Variants in NEDD9 observed in about 807,000 individuals in gnomAD.
The protein encoded by NEDD9 is neural precursor cell expressed, developmentally down-regulated 9, also known as enhancer of filamentation 1.
NEDD9 carries 26 observed loss-of-function variants against 76.6 expected under a neutral mutation model. The ratio of observed to expected loss-of-function variants is 0.34; its 90% CI spans 0.25 to 0.47. NEDD9 has a LOEUF of 0.47. Ranked by LOEUF, NEDD9 falls within the 20% of genes least tolerant of loss-of-function variation. The pLI, the probability that NEDD9 is intolerant of heterozygous loss-of-function variation, is 1.00. For missense variants in NEDD9, 937 were observed against 1,058.5 expected (o/e 0.89, Z 1.59); for synonymous variants, 392 against 414.2 (o/e 0.95, Z 0.65).
intron 1 of NEDD9, among the ~76,000 whole-genome samples, chr6:11,227,232 A>G (rs1759333548): frequency 6.6e-6 from 1 of 152,192 alleles, no homozygotes; most frequent in Non-Finnish European, 1.5e-5. Flanking sequence ...ATCTCAACCT[A>G]GTAACTGGGA....
At chr6:11,326,928 C>A (rs1192676423) in intron 2 of NEDD9, among the ~76,000 whole-genome samples, 2 of 152,100 alleles carry the variant, frequency 1.3e-5, no homozygotes, top group Non-Finnish European at 2.9e-5. Context: ...ATTTTGAGAA[C>A]CAGGAAAAAG....
At chr6:11,348,781 G>T (rs1292616412) in intron 1 of NEDD9, among the ~76,000 whole-genome samples, 1 of 152,194 alleles carries the variant, frequency 6.6e-6, no homozygotes, top group Non-Finnish European at 1.5e-5. Context: ...ACTCAAGATG[G>T]ACTGAAGAGT....
At chr6:11,278,050 G>A (rs1251123861) in intron 3 of NEDD9, among the ~76,000 whole-genome samples, 1 of 152,168 alleles carries the variant, frequency 6.6e-6, no homozygotes, top group Admixed American at 6.5e-5. Flanking sequence ...GAGAATGGGA[G>A]TCGGGTGCTT....
chr6:11,321,938 A>G (rs1189892699), intron 2 of NEDD9, among the ~76,000 whole-genome samples: 1 of 152,238 alleles, frequency 6.6e-6, no homozygotes, highest in African/African-American at 2.4e-5. Flanking sequence ...GATGCCCATC[A>G]ACGAGAGACT....
intron 1 of NEDD9, among the ~76,000 whole-genome samples, chr6:11,217,057 A>T (rs879392934): frequency 6.6e-6 from 1 of 152,240 alleles, no homozygotes; most frequent in Non-Finnish European, 1.5e-5. Flanking sequence ...AATTATGGAT[A>T]AATGTCATCA....
At chr6:11,224,640 A>T (rs895215602) in intron 1 of NEDD9, among the ~76,000 whole-genome samples, 4 of 152,050 alleles carry the variant, frequency 2.6e-5, no homozygotes, top group Non-Finnish European at 4.4e-5. Flanking sequence ...AAAAAATCTC[A>T]TCGACAGATG....
rs1317486471 is a variant in NEDD9 at position 11,198,010 on chromosome 6, G to T, written c.460-4318C>A. Among the ~76,000 whole-genome samples, 1 of 152,014 alleles carries T rather than the reference G, an allele frequency of 6.6e-6. No homozygotes were observed. The highest frequency in any genetic ancestry group is 2.4e-5 in the African/African-American group (1 of 41,356). On this transcript the variant is annotated intron_variant, in intron 2 of 6. Transcript: ENST00000379446. This position sits in a 1 kb window ranked among gnomAD's most constrained non-coding sequence, Gnocchi z 4.7. ...GAGCTGGTACCCATAGCAGAGCAAG[G>T]GTCCTATACTCAGATGCTCACGGAC...
intron 3 of NEDD9, among the ~76,000 whole-genome samples, chr6:11,278,639 C>T (rs1760467672): frequency 6.6e-6 from 1 of 152,174 alleles, no homozygotes; most frequent in Admixed American, 6.5e-5. Flanking sequence ...TTATTTTGTG[C>T]ACAATTCTAA....
At chr6:11,289,093 C>T (rs2049961) in intron 3 of NEDD9, among the ~76,000 whole-genome samples, 6,034 of 152,292 alleles carry the variant, frequency 0.04, 411 homozygotes, top group African/African-American at 0.13. Context: ...GCTCAGCAAA[C>T]GCATTCATCT....
At chr6:11,270,746 C>A (rs1415975284) in intron 3 of NEDD9, among the ~76,000 whole-genome samples, 2 of 152,196 alleles carry the variant, frequency 1.3e-5, no homozygotes, top group African/African-American at 2.4e-5. Context: ...CATGCAGATA[C>A]CCTCATTAGT....
At chr6:11,323,036 T>G (rs1369426835) in intron 2 of NEDD9, among the ~76,000 whole-genome samples, 1 of 148,588 alleles carries the variant, frequency 6.7e-6, no homozygotes, top group Admixed American at 7.0e-5. Context: ...GTTATAGGAG[T>G]TATTTTTTTC....
At chr6:11,355,338 G>A (rs1762544988) in intron 1 of NEDD9, among the ~76,000 whole-genome samples, 7 of 151,844 alleles carry the variant, frequency 4.6e-5, no homozygotes, top group Admixed American at 4.6e-4. Flanking sequence ...CTTCTCAAGG[G>A]GCTAGAAAAA....
intron 3 of NEDD9, among the ~76,000 whole-genome samples, chr6:11,260,100 A>T (rs1427775779): frequency 2.0e-5 from 3 of 152,208 alleles, no homozygotes; most frequent in African/African-American, 7.2e-5. Context: ...AAAAAACGGA[A>T]ATTAAATAAC....
intron 2 of NEDD9, among the ~76,000 whole-genome samples, chr6:11,203,755 G>A (rs918751049): frequency 3.3e-5 from 5 of 152,086 alleles, no homozygotes; most frequent in African/African-American, 1.2e-4. Context: ...CAGGACCCAG[G>A]TCTGTCAAAC....
At chr6:11,305,704 C>T (rs1400477594) in intron 3 of NEDD9, 6 of 418,080 alleles carry the variant, frequency 1.4e-5, no homozygotes, top group South Asian at 3.1e-5. Context: ...CAGGCTTGCT[C>T]GGGCACCATT....
At chr6:11,356,558 G>A (rs1003419657) in intron 1 of NEDD9, among the ~76,000 whole-genome samples, 6 of 152,102 alleles carry the variant, frequency 3.9e-5, no homozygotes, top group Admixed American at 6.5e-5. Flanking sequence ...ACAGATGGCT[G>A]GGCACCACCC....
chr6:11,256,805 C>A (rs912450693), intron 3 of NEDD9, among the ~76,000 whole-genome samples: 3 of 152,166 alleles, frequency 2.0e-5, no homozygotes, highest in Non-Finnish European at 2.9e-5. Flanking sequence ...TTCAATAGAG[C>A]CTTTGCAGTA....
At chr6:11,322,340 A>G (rs916998777) in intron 2 of NEDD9, among the ~76,000 whole-genome samples, 2 of 152,198 alleles carry the variant, frequency 1.3e-5, no homozygotes, top group Non-Finnish European at 2.9e-5. Flanking sequence ...ACTTAAAAAA[A>G]AAAAGAAATG....
At chr6:11,364,872 AACT>A (rs1762735259) in intron 1 of NEDD9, among the ~76,000 whole-genome samples, 2 of 152,116 alleles carry the variant, frequency 1.3e-5, no homozygotes, top group Non-Finnish European at 2.9e-5. Context: ...AAACAATAAT[AACT>A]ATTATGGTAC....
Sources: allele counts gnomAD v4.1 joint callset (sites outside exome capture counted in the v4.1 genomes callset), GRCh38; gene constraint gnomAD v4.1.1; non-coding constraint Gnocchi (gnomAD v3.1); transcripts MANE v1.5; gene names NCBI Gene and HGNC (gene_info 2026-07-23, HGNC 2026-07-21).